PTPRZ1: variants seen among roughly 807,000 people sequenced by gnomAD.
PTPRZ1 encodes protein tyrosine phosphatase receptor type Z1.
PTPRZ1 carries 82 observed loss-of-function variants against 214.1 expected under a neutral mutation model. That is an observed-to-expected ratio of 0.38 (90% confidence interval 0.32 to 0.46). PTPRZ1 has a LOEUF of 0.46. PTPRZ1 is among the 20% of genes least tolerant of loss of function. The pLI, the probability that PTPRZ1 is intolerant of heterozygous loss-of-function variation, is 1.00. For missense variants in PTPRZ1, 2,603 were observed against 2,748.7 expected (o/e 0.95, Z 1.19); for synonymous variants, 945 against 987.9 (o/e 0.96, Z 0.81).
chr7:122,027,389 G>A (rs937835700), intron 13 of PTPRZ1, among the ~76,000 whole-genome samples: 1 of 152,150 alleles, frequency 6.6e-6, no homozygotes, highest in Non-Finnish European at 1.5e-5. Context: ...ATAACTGAAT[G>A]TAATTCTAAT....
intron 11 of PTPRZ1, among the ~76,000 whole-genome samples, chr7:122,005,056 G>T (rs899342863): frequency 6.6e-6 from 1 of 151,878 alleles, no homozygotes; most frequent in African/African-American, 2.4e-5. Context: ...ACCAACGATT[G>T]ATAGATTAAC....
In PTPRZ1 at chr7:121,976,854, A is replaced by G. The variant is rs1797453800; in HGVS notation, c.619+3A>G. 1 of 1,609,282 alleles carries G rather than the reference A, an allele frequency of 6.2e-7. No homozygotes were observed. Among genetic ancestry groups the G allele is most frequent in the East Asian group, 2.2e-5 (1 of 44,634 alleles). On this transcript the variant is annotated splice_donor_region_variant and intron_variant, in intron 6 of 29. Coordinates refer to ENST00000393386, the MANE Select transcript of PTPRZ1 (RefSeq NM_002851.3). Reference sequence around the variant, plus strand: ...AGTCGAAAGTGTTAGTCGTTTTGGTAAGCTACTTGGGGAACTATCTTTCTT... The same window carrying G: ...AGTCGAAAGTGTTAGTCGTTTTGGTGAGCTACTTGGGGAACTATCTTTCTT...
At chr7:121,999,086 A>C (rs1412444421) in intron 10 of PTPRZ1, among the ~76,000 whole-genome samples, 1 of 152,128 alleles carries the variant, frequency 6.6e-6, no homozygotes, top group Admixed American at 6.6e-5. Context: ...AGAGCATCAG[A>C]TATTATAGTA....
chr7:122,031,671 T>C (rs1422880759), intron 15 of PTPRZ1, 112 bp downstream of exon 15: 1 of 653,936 alleles, frequency 1.5e-6, no homozygotes, highest in African/African-American at 1.8e-5. Context: ...GCACTTCTAG[T>C]AAAAATATGA....
At position 121,967,969 on chromosome 7, in the gene PTPRZ1, A is replaced by T. The variant is rs1179113324; in HGVS notation, c.143A>T (p.Asn48Ile). 6.3e-6 allele frequency: 10 copies of T among 1,581,306 alleles called. No homozygotes were observed. The highest frequency in any genetic ancestry group is 1.4e-5 in the African/African-American group (1 of 73,968). The change falls in exon 3 of 30, where the codon AAT becomes ATT. Residue 48 changes from asparagine to isoleucine, a missense_variant. Asn to Ile is a moderately radical substitution (Grantham distance 149). Transcript: ENST00000393386. The stretch of plus-strand genomic sequence containing the variant: ...TCCCTAGGAGCACTGAATCAAAAAA[A>T]TTGGGGAAAGAAATATCCAACATGT... ...WSYTGALNQK[N>I]WGKKYPTCNS... is the part of the protein sequence containing the mutation.
chr7:122,045,609 G>A (rs1232071896), intron 23 of PTPRZ1, among the ~76,000 whole-genome samples: 1 of 151,544 alleles, frequency 6.6e-6, no homozygotes, highest in Non-Finnish European at 1.5e-5. Flanking sequence ...AAAAGAGTAT[G>A]CAGTTGGTTT....
Position 121,983,497 on chromosome 7 carries a change from T to G in PTPRZ1, c.620-168T>G, listed in dbSNP as rs28365831. Reference sequence around the variant, plus strand: ...CTGTATAGTGACATGTGTAATACAATTTGGGGCATGCCAGCTTTATTACCA... The same window carrying G: ...CTGTATAGTGACATGTGTAATACAAGTTGGGGCATGCCAGCTTTATTACCA... On this transcript the variant is annotated intron_variant, in intron 6 of 29. Coordinates refer to ENST00000393386, the MANE Select transcript of PTPRZ1 (RefSeq NM_002851.3). Among the ~76,000 whole-genome samples the G allele has an allele frequency of 1.1e-3, 172 of 152,326 alleles. 5 individuals are homozygous for G. The East Asian group carries it at 0.031, about 28-fold the overall frequency.
rs200170990 is a variant in PTPRZ1 at position 122,042,729 on chromosome 7, T to C, written c.5923T>C (p.Leu1975=). The change falls in exon 22 of 30, where the codon TTG becomes CTG. Residue 1975 remains leucine (L), a synonymous_variant. Coordinates refer to ENST00000393386, the MANE Select transcript of PTPRZ1 (RefSeq NM_002851.3). ...LKHIRSQRNY[L]VQTEEQYVFI... is the part of the protein sequence containing the mutation. The stretch of plus-strand genomic sequence containing the variant: ...ACACATCCGTTCACAAAGAAATTAT[T>C]TGGTACAAACTGAGGTATGATTTTT... 1.1e-5 allele frequency: 18 copies of C among 1,611,996 alleles called. No individual in the cohort carries two copies. The highest frequency in any genetic ancestry group is 1.5e-5 in the Non-Finnish European group (18 of 1,178,378).
Position 122,012,430 on chromosome 7 carries a change from A to C in PTPRZ1, c.3384A>C (p.Thr1128=). 1.2e-6 allele frequency: 2 copies of C among 1,613,840 alleles called. No homozygotes were observed. The highest frequency in any genetic ancestry group is 2.7e-5 in the African/African-American group (2 of 75,034). The change falls in exon 12 of 30, where the codon ACA becomes ACC. Residue 1128 remains threonine, a synonymous_variant. Coordinates refer to ENST00000393386, the MANE Select transcript of PTPRZ1 (RefSeq NM_002851.3). ...AAAATAACTTTTCAGTTCAACCTAC[A>C]CATACTGTCTCTCAAGCATCTGGTG... is the stretch of plus-strand genomic sequence containing the variant. ...VPENNFSVQP[T]HTVSQASGDT...
intron 23 of PTPRZ1, among the ~76,000 whole-genome samples, chr7:122,049,956 T>C (rs765611052): frequency 2.0e-5 from 3 of 152,214 alleles, no homozygotes; most frequent in Non-Finnish European, 4.4e-5. Context: ...AAATCTGTTA[T>C]GTGGTAGAGT....
chr7:121,952,217 C>G (rs1188664233), intron 2 of PTPRZ1, among the ~76,000 whole-genome samples: 1 of 152,070 alleles, frequency 6.6e-6, no homozygotes, highest in East Asian at 1.9e-4. Context: ...CTCGGCCTCC[C>G]AAAGTGCTGG....
At chr7:121,922,570 G>A (rs148771952) in intron 1 of PTPRZ1, among the ~76,000 whole-genome samples, 141 of 151,316 alleles carry the variant, frequency 9.3e-4, no homozygotes, top group African/African-American at 2.5e-3. Context: ...GCGGGACTCC[G>A]CCTCAAAAAA....
At chr7:121,890,156 C>T (rs574005343) in intron 1 of PTPRZ1, among the ~76,000 whole-genome samples, 1 of 152,230 alleles carries the variant, frequency 6.6e-6, no homozygotes, top group Non-Finnish European at 1.5e-5. Flanking sequence ...GTACCTGAAC[C>T]CCAGTGTCAT....
chr7:122,027,700 T>G (rs1005871510), intron 13 of PTPRZ1, among the ~76,000 whole-genome samples: 1 of 152,208 alleles, frequency 6.6e-6, no homozygotes, highest in African/African-American at 2.4e-5. Flanking sequence ...TTGGCTTTAC[T>G]TTATAGCAGT....
intron 1 of PTPRZ1, among the ~76,000 whole-genome samples, chr7:121,901,731 A>G (rs1005230627): frequency 1.3e-5 from 2 of 152,184 alleles, no homozygotes; most frequent in African/African-American, 4.8e-5. Context: ...TAAATGACAC[A>G]TAACAATTGT....
chr7:121,943,070 TATC>T (rs1280048350), intron 2 of PTPRZ1, among the ~76,000 whole-genome samples: 2 of 152,226 alleles, frequency 1.3e-5, no homozygotes, highest in African/African-American at 2.4e-5. Flanking sequence ...CATGCTAAAA[TATC>T]ATGGATAGTT....
chr7:121,897,946 CA>C (rs952384377), intron 1 of PTPRZ1, among the ~76,000 whole-genome samples: 1 of 152,100 alleles, frequency 6.6e-6, no homozygotes, highest in Non-Finnish European at 1.5e-5. Flanking sequence ...CTTATTATAT[CA>C]TAATGGATCC....
intron 27 of PTPRZ1, among the ~76,000 whole-genome samples, chr7:122,057,964 G>GTATATATATATACATA (rs1792416814): frequency 1.2e-5 from 1 of 85,860 alleles, no homozygotes; most frequent in Admixed American, 9.8e-5. Flanking sequence ...GTGTGTGTGT[G>GTATATATATATACATA]TGTGTATATA....
chr7:121,873,577 T>A lies in PTPRZ1; in HGVS notation c.58+20T>A. The A allele has an allele frequency of 6.2e-7, 1 of 1,612,942 alleles. No homozygotes were observed. Among genetic ancestry groups the A allele is most frequent in the Non-Finnish European group, 8.5e-7 (1 of 1,179,782 alleles). ...GCCTGGGTGAGTGAGAAGAGCTCGG[T>A]GGGGTTTCAGCTCCGGGATCGGTGG... On this transcript the variant is annotated intron_variant, in intron 1 of 29. Transcript: ENST00000393386.
Sources: allele counts gnomAD v4.1 joint callset (sites outside exome capture counted in the v4.1 genomes callset), GRCh38; gene constraint gnomAD v4.1.1; transcripts MANE v1.5; gene names NCBI Gene and HGNC (gene_info 2026-07-23, HGNC 2026-07-21).